Variants in CNTN1 observed in about 807,000 individuals in gnomAD.
CNTN1 encodes the protein contactin-1.
Under a neutral mutation model 126.4 loss-of-function variants are expected in CNTN1, and 38 were observed. The ratio of observed to expected loss-of-function variants is 0.30; its 90% CI spans 0.23 to 0.39. The LOEUF (loss-of-function observed/expected upper bound fraction) is 0.39. CNTN1 is among the 10% of genes least tolerant of loss of function. CNTN1 has a pLI of 1.00. For missense variants in CNTN1, 1,009 were observed against 1,248.4 expected (o/e 0.81, Z 2.89); for synonymous variants, 413 against 422.6 (o/e 0.98, Z 0.28).
At chr12:40,696,366 A>G (rs1310941635) in intron 1 of CNTN1, among the ~76,000 whole-genome samples, 1 of 151,810 alleles carries the variant, frequency 6.6e-6, no homozygotes, top group Non-Finnish European at 1.5e-5. Flanking sequence ...TTTATTTTCA[A>G]CTCTAATTTG....
intron 23 of CNTN1, among the ~76,000 whole-genome samples, chr12:41,054,805 T>C (rs1292494407): frequency 6.6e-6 from 1 of 152,156 alleles, no homozygotes; most frequent in Non-Finnish European, 1.5e-5. Context: ...GCAAATTTGA[T>C]GAATTTTCAT....
intron 7 of CNTN1, 138 bp downstream of exon 7, chr12:40,930,140 G>A (rs1212783683): frequency 2.6e-6 from 2 of 759,650 alleles, no homozygotes; most frequent in Admixed American, 3.9e-5. Context: ...CATGTTGAAG[G>A]GGCCAAAGGC....
At chr12:41,047,510 A>G (rs1005830678) in intron 23 of CNTN1, among the ~76,000 whole-genome samples, 3 of 151,676 alleles carry the variant, frequency 2.0e-5, no homozygotes, top group Non-Finnish European at 4.4e-5. Flanking sequence ...CCTTTTTGTC[A>G]CTTCTACAGT....
chr12:40,980,846 T>G, intron 15 of CNTN1, 63 bp from the exon 16 acceptor site: 1 of 1,450,586 alleles, frequency 6.9e-7, no homozygotes, highest in Non-Finnish European at 9.7e-7. Flanking sequence ...ATTTTTATAT[T>G]CTAATGTGTG....
At chr12:40,697,501 T>C (rs1314823410) in intron 1 of CNTN1, among the ~76,000 whole-genome samples, 3 of 152,232 alleles carry the variant, frequency 2.0e-5, no homozygotes, top group Non-Finnish European at 4.4e-5. Context: ...TCTTGTTCTT[T>C]GCATTTTAAA....
At chr12:40,925,820 A>ATATG (rs1945653747) in intron 6 of CNTN1, among the ~76,000 whole-genome samples, 1 of 103,566 alleles carries the variant, frequency 9.7e-6, no homozygotes, top group Admixed American at 1.0e-4. Context: ...ATATATATAT[A>ATATG]TATATATATG....
chr12:40,720,435 C>T (rs543664436), intron 1 of CNTN1, among the ~76,000 whole-genome samples: 8 of 146,320 alleles, frequency 5.5e-5, no homozygotes, highest in Non-Finnish European at 1.0e-4. Context: ...TGTATGTGTA[C>T]ACACACACGA....
Position 41,071,269 on chromosome 12 carries a change from G to A in CNTN1, c.*1234G>A, listed in dbSNP as rs1950154718. The A allele has an allele frequency of 6.6e-6, 1 of 151,980 alleles. No individual in the cohort carries two copies. Among genetic ancestry groups the A allele is most frequent in the Non-Finnish European group, 1.5e-5 (1 of 67,990 alleles). 9.4% of individuals were successfully genotyped at this position (151,980 alleles called of 1,614,324 possible). ...GTGTCTCCCAAGTGTTGGTGCTTTG[G>A]GTTTTTATAAGTTGTGAAAAGGAAG... On this transcript the variant is annotated 3_prime_UTR_variant, in exon 24 of 24. Transcript: ENST00000551295.
Position 40,889,578 on chromosome 12 carries a change from C to T in CNTN1, c.-76-18779C>T, listed in dbSNP as rs541659605. 6.6e-5 allele frequency among the ~76,000 whole-genome samples: 10 copies of T among 151,866 alleles called. No homozygotes were observed. In the South Asian group the frequency reaches 1.9e-3, roughly 28 times the overall value. ...GGTAGGTTCTCGGGTTTTTGAAGCC[C>T]CAAATCAATGGGAGAGTCAGACACT... On this transcript the variant is annotated intron_variant, in intron 1 of 23. Coordinates refer to ENST00000551295, the MANE Select transcript of CNTN1 (RefSeq NM_001843.4).
At chr12:40,718,506 C>T (rs754896799) in intron 1 of CNTN1, among the ~76,000 whole-genome samples, 5 of 152,084 alleles carry the variant, frequency 3.3e-5, no homozygotes, top group Non-Finnish European at 7.4e-5. Context: ...CGATAAGGAA[C>T]CCGAGAGGCT....
intron 1 of CNTN1, among the ~76,000 whole-genome samples, chr12:40,802,523 A>G (rs1010337806): frequency 6.6e-6 from 1 of 152,052 alleles, no homozygotes; most frequent in African/African-American, 2.4e-5. Context: ...TAATCGTGCC[A>G]GTGCAGTCTT....
intron 3 of CNTN1, among the ~76,000 whole-genome samples, chr12:40,910,796 C>A (rs1197279599): frequency 6.6e-6 from 1 of 152,164 alleles, no homozygotes; most frequent in Non-Finnish European, 1.5e-5. Flanking sequence ...TAACTTCTAG[C>A]ATAATGACTG....
At chr12:40,992,604 A>T (rs1416028422) in intron 16 of CNTN1, among the ~76,000 whole-genome samples, 1 of 152,150 alleles carries the variant, frequency 6.6e-6, no homozygotes, top group Admixed American at 6.6e-5. Context: ...TTATTATGAC[A>T]TTTATTATCA....
chr12:40,839,327 T>C (rs1012920366), intron 1 of CNTN1, among the ~76,000 whole-genome samples: 13 of 151,696 alleles, frequency 8.6e-5, no homozygotes, highest in Non-Finnish European at 1.8e-4. Context: ...TCTCCAAGGG[T>C]GAAGAAACAA....
At chr12:40,771,300 A>C (rs953363006) in intron 1 of CNTN1, among the ~76,000 whole-genome samples, 1 of 152,090 alleles carries the variant, frequency 6.6e-6, no homozygotes, top group Non-Finnish European at 1.5e-5. Flanking sequence ...TCTTTTCTTC[A>C]TATCAGTCTG....
In CNTN1 at chr12:40,781,970, A is replaced by C. The variant is rs1485725116; in HGVS notation, c.-77+89378A>C. 2.6e-5 allele frequency among the ~76,000 whole-genome samples: 4 copies of C among 152,028 alleles called. No individual in the cohort carries two copies. In the East Asian group the frequency reaches 7.7e-4, roughly 29 times the overall value. On this transcript the variant is annotated intron_variant, in intron 1 of 23. Coordinates refer to ENST00000551295, the MANE Select transcript of CNTN1 (RefSeq NM_001843.4). ...CTCTTTCTGTTCTCTTCCTACTATT[A>C]ATTTTTTATTAGTCATCTTGAGAGA... is the stretch of plus-strand genomic sequence containing the variant.
intron 1 of CNTN1, among the ~76,000 whole-genome samples, chr12:40,844,404 AC>A (rs1450134507): frequency 6.6e-6 from 1 of 152,168 alleles, no homozygotes; most frequent in African/African-American, 2.4e-5. Context: ...AAGCAAAATC[AC>A]AAATATTGTT....
intron 1 of CNTN1, among the ~76,000 whole-genome samples, chr12:40,881,930 T>C (rs1943882702): frequency 6.6e-6 from 1 of 151,986 alleles, no homozygotes; most frequent in Non-Finnish European, 1.5e-5. Context: ...TGATTTGTTT[T>C]TGTATATGTT....
intron 15 of CNTN1, among the ~76,000 whole-genome samples, chr12:40,974,076 T>C (rs1238887697): frequency 6.6e-6 from 1 of 152,174 alleles, no homozygotes; most frequent in Non-Finnish European, 1.5e-5. Context: ...ACAGAACTGA[T>C]TAACTATATT....
Sources: allele counts gnomAD v4.1 joint callset (sites outside exome capture counted in the v4.1 genomes callset), GRCh38; gene constraint gnomAD v4.1.1; transcripts MANE v1.5; gene names NCBI Gene and HGNC (gene_info 2026-07-23, HGNC 2026-07-21).